Variants in MARCHF1 observed in about 807,000 individuals in gnomAD.
The protein encoded by MARCHF1 is membrane associated ring-CH-type finger 1, also known as E3 ubiquitin-protein ligase MARCHF1.
Under a neutral mutation model 54.2 loss-of-function variants are expected in MARCHF1, and 40 were observed. The ratio of observed to expected loss-of-function variants is 0.74; its 90% CI spans 0.57 to 0.96. The LOEUF (loss-of-function observed/expected upper bound fraction) is 0.96, where lower values mean the gene tolerates loss of function less well. Ranked by LOEUF, MARCHF1 falls within the 40% of genes least tolerant of loss-of-function variation. MARCHF1 has a pLI of 0.00. For synonymous variants in MARCHF1, 236 were observed against 236.3 expected, an observed-to-expected ratio of 1.00 and a Z score of 0.01; for missense variants, 586 against 656.5, an observed-to-expected ratio of 0.89 and a Z score of 1.17.
intron 3 of MARCHF1, among the ~76,000 whole-genome samples, chr4:163,911,285 T>C (rs1169304221): frequency 6.6e-6 from 1 of 152,160 alleles, no homozygotes. Context: ...ACATACATGG[T>C]ATTGCATCTT....
intron 2 of MARCHF1, among the ~76,000 whole-genome samples, chr4:164,058,316 T>C (rs970489908): frequency 6.6e-6 from 1 of 152,212 alleles, no homozygotes; most frequent in Non-Finnish European, 1.5e-5. Flanking sequence ...ACATATCCTC[T>C]GAAAGCCAAT....
chr4:163,955,393 G>A (rs1191885846), intron 3 of MARCHF1, among the ~76,000 whole-genome samples: 4 of 144,794 alleles, frequency 2.8e-5, no homozygotes, highest in Non-Finnish European at 6.1e-5. Context: ...AAACTTTAAT[G>A]ACTCTCACTG....
chr4:163,855,671 T>C (rs926065960), intron 3 of MARCHF1, among the ~76,000 whole-genome samples: 2 of 152,224 alleles, frequency 1.3e-5, no homozygotes, highest in Non-Finnish European at 2.9e-5. Flanking sequence ...ATTTTAACTC[T>C]ATAATTAAAT....
chr4:163,779,156 C>T (rs544697261), intron 4 of MARCHF1, among the ~76,000 whole-genome samples: 5 of 152,200 alleles, frequency 3.3e-5, no homozygotes, highest in Admixed American at 3.3e-4. Context: ...CTCAACTATG[C>T]TGGTGCTTTT....
intron 3 of MARCHF1, among the ~76,000 whole-genome samples, chr4:163,857,477 T>C (rs1202350867): frequency 6.6e-6 from 1 of 152,132 alleles, no homozygotes; most frequent in Admixed American, 6.6e-5. Context: ...TAAGTATCAT[T>C]AGTAATATAC....
intron 5 of MARCHF1, among the ~76,000 whole-genome samples, chr4:163,656,976 T>C (rs1743168038): frequency 6.6e-6 from 1 of 152,100 alleles, no homozygotes; most frequent in South Asian, 2.1e-4. Context: ...GCTGGAAGCA[T>C]TCCATTTGAA....
intron 4 of MARCHF1, among the ~76,000 whole-genome samples, chr4:163,762,171 T>C (rs1746844841): frequency 6.6e-6 from 1 of 152,164 alleles, no homozygotes; most frequent in Non-Finnish European, 1.5e-5. Context: ...ATTGTATTTC[T>C]GAAAACAGGG....
chr4:163,599,389 TATAC>T (rs1740880584), intron 7 of MARCHF1, among the ~76,000 whole-genome samples: 1 of 148,660 alleles, frequency 6.7e-6, no homozygotes, highest in Non-Finnish European at 1.5e-5. Flanking sequence ...CCTACACATA[TATAC>T]AGTCTGTCCT....
chr4:163,911,245 T>C, intron 3 of MARCHF1, among the ~76,000 whole-genome samples: 1 of 152,154 alleles, frequency 6.6e-6, no homozygotes, highest in Non-Finnish European at 1.5e-5. Flanking sequence ...ATTGAGTAAT[T>C]TGATTGGTGG....
chr4:163,664,261 C>T (rs1422624348), intron 5 of MARCHF1, among the ~76,000 whole-genome samples: 3 of 152,026 alleles, frequency 2.0e-5, no homozygotes, highest in African/African-American at 7.2e-5. Context: ...TTGCTGAGAA[C>T]AGATTGCTCA....
intron 1 of MARCHF1, among the ~76,000 whole-genome samples, chr4:164,131,921 T>A (rs753248492): frequency 6.6e-6 from 1 of 152,164 alleles, no homozygotes; most frequent in Admixed American, 6.5e-5. Flanking sequence ...TGCATTGACA[T>A]ACTAGTCCTC....
At chr4:164,373,352 C>CTTTTTTTTTTT (rs5863683) in intron 1 of MARCHF1, among the ~76,000 whole-genome samples, 1 of 91,616 alleles carries the variant, frequency 1.1e-5, no homozygotes, top group African/African-American at 4.2e-5. Context: ...TGAAAAACTA[C>CTTTTTTTTTTT]TTTTTTTTTT....
intron 3 of MARCHF1, among the ~76,000 whole-genome samples, chr4:163,878,218 T>C (rs1223721100): frequency 1.3e-5 from 2 of 152,196 alleles, no homozygotes; most frequent in Non-Finnish European, 2.9e-5. Context: ...CTAGCTTTTT[T>C]AGTCTGGTGC....
At chr4:163,618,962 A>T (rs1254093188) in intron 5 of MARCHF1, among the ~76,000 whole-genome samples, 1 of 152,082 alleles carries the variant, frequency 6.6e-6, no homozygotes, top group Non-Finnish European at 1.5e-5. Flanking sequence ...GTCCAACACA[A>T]GGTGAGTGTG....
At chr4:163,574,460 A>T (rs1739966831) in intron 8 of MARCHF1, among the ~76,000 whole-genome samples, 1 of 150,214 alleles carries the variant, frequency 6.7e-6, no homozygotes, top group Admixed American at 6.6e-5. Context: ...CTAACGTTTA[A>T]GTCTTTAATC....
intron 1 of MARCHF1, among the ~76,000 whole-genome samples, chr4:164,372,670 ATGTT>A (rs1321381695): frequency 6.6e-6 from 1 of 152,112 alleles, no homozygotes; most frequent in Non-Finnish European, 1.5e-5. Flanking sequence ...ATGAGATTGA[ATGTT>A]TGTGTTGTAC....
intron 4 of MARCHF1, among the ~76,000 whole-genome samples, chr4:163,796,223 T>TG (rs397996066): frequency 0.48 from 35,180 of 72,970 alleles, 5,732 homozygotes; most frequent in Non-Finnish European, 0.58. Context: ...AACTTCTAGT[T>TG]TTTTTTTTTT....
At chr4:163,966,207 T>C (rs922526339) in intron 3 of MARCHF1, among the ~76,000 whole-genome samples, 1 of 152,066 alleles carries the variant, frequency 6.6e-6, no homozygotes. Context: ...GCTTCCAATG[T>C]AATTTAATAA....
In MARCHF1 at chr4:163,545,642, T is replaced by C. The variant is rs1270068747; in HGVS notation, c.1293A>G (p.Val431=). 1 of 1,613,952 alleles carries C rather than the reference T, an allele frequency of 6.2e-7. No homozygotes were observed. Among genetic ancestry groups the C allele is most frequent in the African/African-American group, 1.3e-5 (1 of 74,932 alleles). Residue 431 remains valine, a synonymous_variant, in exon 9 of 10, where the codon GTA becomes GTG. Transcript: ENST00000514618. ...AITCVVWSLY[V]LIDRTAEEIK... Reference sequence around the variant, plus strand: ...TTTCCTCCGCTGTCCGGTCTATCAATACATACAAAGACCAAACCACACAGG... The same window carrying C: ...TTTCCTCCGCTGTCCGGTCTATCAACACATACAAAGACCAAACCACACAGG...
Sources: gnomAD v4.1 joint callset for allele counts (sites outside exome capture counted in the v4.1 genomes callset) on GRCh38, gnomAD v4.1.1 for gene constraint, MANE v1.5 for transcripts, NCBI Gene and HGNC (gene_info 2026-07-23, HGNC 2026-07-21) for gene names.